The following TMEM178B variants were observed in gnomAD, a reference collection of about 807,000 sequenced individuals.
The protein encoded by TMEM178B is transmembrane protein 178B.
A neutral mutation model predicts 31.0 loss-of-function variants in TMEM178B; 5 were observed. The observed-to-expected ratio is 0.16, with a 90% confidence interval of 0.08 to 0.34. The LOEUF is 0.34. Ranked by LOEUF, TMEM178B falls within the 10% of genes least tolerant of loss-of-function variation. TMEM178B has a pLI of 1.00. For synonymous variants in TMEM178B, 164 were observed against 164.0 expected, an observed-to-expected ratio of 1.00 and a Z score of 0.00; for missense variants, 275 against 400.3, an observed-to-expected ratio of 0.69 and a Z score of 2.67.
intron 1 of TMEM178B, among the ~76,000 whole-genome samples, chr7:141,184,789 G>A (rs117975093): frequency 1.7e-3 from 257 of 152,236 alleles, no homozygotes; most frequent in East Asian, 6.7e-3. Context: ...AAGTTTACAC[G>A]CAGTGACCCT....
intron 1 of TMEM178B, among the ~76,000 whole-genome samples, chr7:141,178,783 T>C (rs1292740727): frequency 6.6e-6 from 1 of 152,220 alleles, no homozygotes; most frequent in Non-Finnish European, 1.5e-5. Context: ...TCTTGGCTGC[T>C]GTCAGTTTGC....
At chr7:141,331,914 C>A in intron 2 of TMEM178B, among the ~76,000 whole-genome samples, 1 of 152,154 alleles carries the variant, frequency 6.6e-6, no homozygotes, top group East Asian at 1.9e-4. Context: ...GTGTTCTAAC[C>A]CATTTGTCTT....
intron 1 of TMEM178B, among the ~76,000 whole-genome samples, chr7:141,078,065 G>C (rs1017881255): frequency 5.9e-5 from 9 of 152,042 alleles, no homozygotes; most frequent in African/African-American, 2.2e-4. Context: ...CCCATTTGTT[G>C]GCATCCATGA....
chr7:141,508,173 C>T, the TMEM178B span, among the ~76,000 whole-genome samples: 18,280 of 152,122 alleles, frequency 0.12, 3,422 homozygotes, highest in African/African-American at 0.4. Context: ...TTCTGCCAGA[C>T]ACCCTAAATC....
intron 1 of TMEM178B, among the ~76,000 whole-genome samples, chr7:141,075,945 A>G (rs1320345128): frequency 1.3e-5 from 2 of 152,234 alleles, no homozygotes; most frequent in South Asian, 2.1e-4. Flanking sequence ...TTTAAGAATG[A>G]CAAGCAGTGG....
downstream of TMEM178B, among the ~76,000 whole-genome samples, chr7:141,482,007 G>A (rs951307772): frequency 7.9e-5 from 12 of 152,140 alleles, no homozygotes; most frequent in Admixed American, 5.9e-4. Context: ...AGAAGGCCCC[G>A]ATGCTCTGTG....
chr7:141,325,398 TG>T (rs956015123), intron 2 of TMEM178B, among the ~76,000 whole-genome samples: 33 of 152,280 alleles, frequency 2.2e-4, no homozygotes, highest in African/African-American at 7.5e-4. Flanking sequence ...GCTGTGCTTT[TG>T]TCTGTCACCC....
intron 2 of TMEM178B, among the ~76,000 whole-genome samples, chr7:141,307,829 A>G (rs1033455756): frequency 5.3e-5 from 8 of 152,160 alleles, no homozygotes; most frequent in African/African-American, 1.7e-4. Flanking sequence ...TGTCTACATG[A>G]CTCACTTAAT....
intron 3 of TMEM178B, among the ~76,000 whole-genome samples, chr7:141,443,809 G>A (rs1801705193): frequency 1.3e-5 from 2 of 152,180 alleles, no homozygotes; most frequent in South Asian, 4.1e-4. Context: ...GTGGGAGGAG[G>A]TCTGTCTCTT....
At chr7:141,502,662 C>T in the TMEM178B span, among the ~76,000 whole-genome samples, 1 of 151,770 alleles carries the variant, frequency 6.6e-6, no homozygotes, top group African/African-American at 2.4e-5. Flanking sequence ...CCCAGCTATT[C>T]GGGAGGCTGA....
chr7:141,489,963 A>G, the TMEM178B span, among the ~76,000 whole-genome samples: 3 of 152,228 alleles, frequency 2.0e-5, no homozygotes, highest in Non-Finnish European at 4.4e-5. Flanking sequence ...ATGCTTGCTC[A>G]TTTGTATAGG....
chr7:141,282,003 T>G (rs1243313796), intron 2 of TMEM178B, among the ~76,000 whole-genome samples: 1 of 152,184 alleles, frequency 6.6e-6, no homozygotes, highest in African/African-American at 2.4e-5. Context: ...AGGGATTGTA[T>G]TGGTAGTTGT....
chr7:141,471,808 GT>G lies in TMEM178B; in HGVS notation c.*1023del, dbSNP rs1802250169. On this transcript the variant is annotated 3_prime_UTR_variant, in exon 4 of 4. Coordinates refer to ENST00000565468, the MANE Select transcript of TMEM178B (RefSeq NM_001195278.2). This position sits in a 1 kb window ranked among gnomAD's most constrained non-coding sequence, Gnocchi z 4.1. Reference sequence around the variant, plus strand: ...TGTGTGTGTGTGTGTGTGTGTGTGTGTGTGTGTGTGGTGGATGTTTCTTGAG... The same window carrying G: ...TGTGTGTGTGTGTGTGTGTGTGTGTGGTGTGTGTGGTGGATGTTTCTTGAG... The G allele has an allele frequency of 6.8e-6, 1 of 146,886 alleles. No homozygotes were observed. The highest frequency in any genetic ancestry group is 1.5e-5 in the Non-Finnish European group (1 of 68,460). The allele number at this position is 146,886 out of a possible 1,614,324, so 9.1% of individuals were successfully genotyped here.
At chr7:141,174,146 C>G (rs546044625) in intron 1 of TMEM178B, among the ~76,000 whole-genome samples, 1 of 151,958 alleles carries the variant, frequency 6.6e-6, no homozygotes, top group Non-Finnish European at 1.5e-5. Flanking sequence ...CAGTGTGTGA[C>G]GTTCCCCTCC....
intron 1 of TMEM178B, among the ~76,000 whole-genome samples, chr7:141,178,200 A>C (rs1796464019): frequency 1.3e-5 from 2 of 152,282 alleles, no homozygotes; most frequent in South Asian, 2.1e-4. Flanking sequence ...TTCACTTATG[A>C]AGCTTAGTTT....
At chr7:141,510,558 G>A in the TMEM178B span, among the ~76,000 whole-genome samples, 19 of 151,460 alleles carry the variant, frequency 1.3e-4, no homozygotes, top group Non-Finnish European at 2.7e-4. Flanking sequence ...GGTGGTGCAT[G>A]CCTGTAATCC....
chr7:141,389,101 G>T (rs1035410406), intron 2 of TMEM178B, among the ~76,000 whole-genome samples: 1 of 151,988 alleles, frequency 6.6e-6, no homozygotes, highest in Non-Finnish European at 1.5e-5. Context: ...TCTTTAAGCT[G>T]GCAGAAACAA....
At chr7:141,334,839 T>C (rs1799356359) in intron 2 of TMEM178B, among the ~76,000 whole-genome samples, 1 of 152,130 alleles carries the variant, frequency 6.6e-6, no homozygotes, top group South Asian at 2.1e-4. Context: ...TTATGTACAG[T>C]AAATATTTTT....
chr7:141,407,413 G>C (rs1200637789), intron 2 of TMEM178B, among the ~76,000 whole-genome samples: 1 of 152,234 alleles, frequency 6.6e-6, no homozygotes, highest in African/African-American at 2.4e-5. Flanking sequence ...TTTGTAGATT[G>C]CTTGCTCCTG....
Sources: gnomAD v4.1 joint callset for allele counts (sites outside exome capture counted in the v4.1 genomes callset) on GRCh38, gnomAD v4.1.1 for gene constraint, Gnocchi (gnomAD v3.1) non-coding constraint, MANE v1.5 for transcripts, NCBI Gene and HGNC (gene_info 2026-07-23, HGNC 2026-07-21) for gene names.